Variants in RAI1 observed in about 807,000 individuals in gnomAD.
The protein encoded by RAI1 is retinoic acid induced 1, also known as retinoic acid-induced protein 1.
A neutral mutation model predicts 123.8 loss-of-function variants in RAI1; 9 were observed. The ratio of observed to expected loss-of-function variants is 0.07; its 90% confidence interval spans 0.04 to 0.13. The LOEUF (loss-of-function observed/expected upper bound fraction) is 0.13, where lower values mean the gene tolerates loss of function less well. RAI1 is among the 10% of genes least tolerant of loss of function. The pLI, the probability that RAI1 is intolerant of heterozygous loss-of-function variation, is 1.00. For synonymous variants in RAI1, 1,231 were observed against 1,127.3 expected (o/e 1.09, Z -1.84); for missense variants, 2,256 against 2,545.8 (o/e 0.89, Z 2.45).
chr17:17,750,116 A>G (rs865826235), intron 2 of RAI1, among the ~76,000 whole-genome samples: 4 of 152,222 alleles, frequency 2.6e-5, no homozygotes, highest in African/African-American at 9.6e-5. Context: ...TTCACATTCC[A>G]TTGGCTGGAG....
At chr17:17,740,113 G>T (rs111294173) in intron 2 of RAI1, among the ~76,000 whole-genome samples, 2 of 152,220 alleles carry the variant, frequency 1.3e-5, no homozygotes, top group Non-Finnish European at 2.9e-5. Context: ...GTGTTCACCC[G>T]CATGGGGTAA....
chr17:17,750,547 C>A (rs548177043), intron 2 of RAI1, among the ~76,000 whole-genome samples: 1 of 149,400 alleles, frequency 6.7e-6, no homozygotes, highest in Non-Finnish European at 1.5e-5. Flanking sequence ...CATGGAGAAA[C>A]CTTGTCTCTA....
intron 1 of RAI1, chr17:17,682,674 G>A (rs995095933): frequency 6.6e-6 from 1 of 152,228 alleles, no homozygotes; most frequent in Non-Finnish European, 1.5e-5. Context: ...CCGTGGTGGG[G>A]CGGAGGGGAA....
At chr17:17,696,444 T>G (rs1017758538) in intron 1 of RAI1, among the ~76,000 whole-genome samples, 5 of 152,224 alleles carry the variant, frequency 3.3e-5, no homozygotes, top group Admixed American at 2.6e-4. Context: ...TTGTGTTTTT[T>G]GTCTGTTTAG....
chr17:17,681,878 G>C (rs892439433), intron 1 of RAI1, 85 bp downstream of exon 1: 84 of 221,840 alleles, frequency 3.8e-4, no homozygotes, highest in Non-Finnish European at 6.6e-4. Context: ...ATCCTAGGCC[G>C]GGTGATGAGC....
chr17:17,774,513 C>T (rs559771477), intron 2 of RAI1, among the ~76,000 whole-genome samples: 25 of 152,356 alleles, frequency 1.6e-4, no homozygotes, highest in East Asian at 1.9e-4. Flanking sequence ...CACAGACAGC[C>T]GGACCCCGCT....
At chr17:17,713,369 G>A (rs891785224) in intron 1 of RAI1, among the ~76,000 whole-genome samples, 1 of 152,192 alleles carries the variant, frequency 6.6e-6, no homozygotes, top group South Asian at 2.1e-4. Context: ...GCCAGCTGCA[G>A]TGGCTCATGC....
chr17:17,799,038 A>G lies in RAI1; in HGVS notation c.5565+525A>G, dbSNP rs1330429464. On this transcript the variant is annotated intron_variant, in intron 3 of 5. Transcript: ENST00000353383. The surrounding 1 kb of genome is among the most constrained non-coding windows in gnomAD (Gnocchi z 4.5). ...CCAGTCACAGGGTTCCTCCCTCTGC[A>G]GGACAGTCCATGGGGTCACACAGTC... 1.3e-5 allele frequency among the ~76,000 whole-genome samples: 2 copies of G among 152,158 alleles called. No homozygotes were observed. Among genetic ancestry groups the G allele is most frequent in the Admixed American group, 1.3e-4 (2 of 15,286 alleles).
At chr17:17,769,295 G>A (rs1368632827) in intron 2 of RAI1, among the ~76,000 whole-genome samples, 2 of 152,200 alleles carry the variant, frequency 1.3e-5, no homozygotes, top group Non-Finnish European at 2.9e-5. Context: ...GGATGGATGG[G>A]GGTGTCCCCC....
chr17:17,783,810 G>A (rs1025090656), intron 2 of RAI1, among the ~76,000 whole-genome samples: 4 of 152,202 alleles, frequency 2.6e-5, no homozygotes, highest in African/African-American at 9.6e-5. Flanking sequence ...TAATGGCCTA[G>A]TCGCAGACCC....
intron 1 of RAI1, among the ~76,000 whole-genome samples, chr17:17,690,356 C>CTCCA (rs1914794226): frequency 6.6e-6 from 1 of 150,510 alleles, no homozygotes; most frequent in Non-Finnish European, 1.5e-5. Context: ...TACCACTGTA[C>CTCCA]TCCAGCCTGG....
intron 2 of RAI1, among the ~76,000 whole-genome samples, chr17:17,790,491 T>A (rs2031973195): frequency 6.6e-6 from 1 of 152,146 alleles, no homozygotes; most frequent in Non-Finnish European, 1.5e-5. Context: ...ACACAGCAGC[T>A]GGACCAATTA....
At position 17,794,827 on chromosome 17, in the gene RAI1, G is replaced by A; in HGVS notation, c.1879G>A (p.Ala627Thr). 6.2e-7 allele frequency: 1 copy of A among 1,613,144 alleles called. No individual in the cohort carries two copies. Residue 627 changes from alanine (A) to threonine (T), a missense_variant, in exon 3 of 6, where the codon GCT (alanine) becomes ACT (threonine). Ala to Thr is a moderately conservative substitution (Grantham distance 58). This residue lies in a region of RAI1 where 566 missense variants were observed against 616.0 expected (regional missense o/e 0.92). Transcript: ENST00000353383. ...AIGEKADKAW[A>T]EAPSLVKDSS... is the part of the protein sequence containing the mutation. Reference sequence around the variant, plus strand: ...CGGTGAGAAGGCCGACAAAGCTTGGGCTGAAGCACCCAGCCTGGTCAAGGA... The same window carrying A: ...CGGTGAGAAGGCCGACAAAGCTTGGACTGAAGCACCCAGCCTGGTCAAGGA...
At position 17,714,268 on chromosome 17, in the gene RAI1, T is replaced by G. The variant is rs1010301364; in HGVS notation, c.-148-9760T>G. ...GCCTCTCCCTGCCTACCTTGGCCAC[T>G]GGGAGGTTCTGAAGAGACTGGAGGA... On this transcript the variant is annotated intron_variant, in intron 1 of 5. Transcript: ENST00000353383. The surrounding 1 kb of genome is among the most constrained non-coding windows in gnomAD (Gnocchi z 4.9). 6.6e-6 allele frequency among the ~76,000 whole-genome samples: 1 copy of G among 151,870 alleles called. No homozygotes were observed. Among genetic ancestry groups the G allele is most frequent in the African/African-American group, 2.4e-5 (1 of 41,282 alleles).
chr17:17,686,497 G>A (rs1404257054), intron 1 of RAI1, among the ~76,000 whole-genome samples: 1 of 150,110 alleles, frequency 6.7e-6, no homozygotes, highest in East Asian at 1.9e-4. Context: ...CAGGGTGGGA[G>A]GCAGGGCTTG....
At chr17:17,686,568 CGTGTGTGTGTGTGTGTGTGTGTGT>C (rs58906330) in intron 1 of RAI1, among the ~76,000 whole-genome samples, 10 of 124,500 alleles carry the variant, frequency 8.0e-5, no homozygotes, top group African/African-American at 3.0e-4. Context: ...TTCTTGAACC[CGTGTGTGTGTGTGTGTGTGTGTGT>C]GTGTGTGTGT....
rs752227655 is a variant in RAI1 at position 17,795,137 on chromosome 17, C to T, written c.2189C>T (p.Pro730Leu). Residue 730 changes from proline to leucine, a missense_variant, in exon 3 of 6, where the codon CCG (proline) becomes CTG (leucine). This residue lies in a region of RAI1 where 566 missense variants were observed against 616.0 expected (regional missense o/e 0.92). Transcript: ENST00000353383. The surrounding 1 kb of genome is among the most constrained non-coding windows in gnomAD (Gnocchi z 5.9). ...DPTTAAFDCFPDTTAASSADS... is the reference protein window; with the variant it reads ...DPTTAAFDCFLDTTAASSADS... ...ACTACAGCAGCTTTTGACTGTTTCC[C>T]GGACACAACCGCTGCCAGCTCAGCG... 11 of 1,613,928 alleles carry T rather than the reference C, an allele frequency of 6.8e-6. No individual in the cohort carries two copies. Among genetic ancestry groups the T allele is most frequent in the South Asian group, 1.1e-5 (1 of 91,082 alleles).
chr17:17,791,520 T>C (rs911974208), intron 2 of RAI1, among the ~76,000 whole-genome samples: 2 of 152,142 alleles, frequency 1.3e-5, no homozygotes, highest in African/African-American at 4.8e-5. Context: ...CTGGAATCTT[T>C]GTAGCCTGAG....
intron 2 of RAI1, among the ~76,000 whole-genome samples, chr17:17,756,489 C>T (rs2030442862): frequency 6.6e-6 from 1 of 152,142 alleles, no homozygotes; most frequent in Admixed American, 6.5e-5. Flanking sequence ...GAGCACTGCA[C>T]CTGGCATGAA....
Sources: gnomAD v4.1 joint callset for allele counts (sites outside exome capture counted in the v4.1 genomes callset) on GRCh38, gnomAD v4.1.1 for gene constraint, gnomAD v4.1.1 regional missense constraint, Gnocchi (gnomAD v3.1) non-coding constraint, MANE v1.5 for transcripts, NCBI Gene and HGNC (gene_info 2026-07-23, HGNC 2026-07-21) for gene names.